Variants in TIPIN observed in about 807,000 individuals in gnomAD.
The protein encoded by TIPIN is TIMELESS-interacting protein.
A neutral mutation model predicts 35.6 loss-of-function variants in TIPIN; 29 were observed. The ratio of observed to expected loss-of-function variants is 0.82; its 90% CI spans 0.61 to 1.11. The LOEUF is 1.11. Among genes scored for constraint, TIPIN ranks in the 50% most tolerant of loss-of-function variants. The pLI, the probability that TIPIN is intolerant of heterozygous loss-of-function variation, is 0.00. For synonymous variants in TIPIN, 102 were observed against 121.5 expected (o/e 0.84, Z 1.06); for missense variants, 296 against 345.4 (o/e 0.86, Z 1.13).
chr15:66,381,221 A>G (rs1022546853), intron 1 of TIPIN, among the ~76,000 whole-genome samples: 3 of 152,148 alleles, frequency 2.0e-5, no homozygotes, highest in Non-Finnish European at 2.9e-5. Flanking sequence ...GGATCACCTG[A>G]GGTCAGGAGT....
intron 1 of TIPIN, among the ~76,000 whole-genome samples, chr15:66,374,770 C>G (rs138822641): frequency 6.6e-6 from 1 of 151,976 alleles, no homozygotes; most frequent in Non-Finnish European, 1.5e-5. Flanking sequence ...TTAGTAGAGA[C>G]GGGGTTTCAC....
intron 1 of TIPIN, chr15:66,379,770 C>T (rs2093311242): frequency 1.9e-6 from 3 of 1,603,346 alleles, no homozygotes; most frequent in South Asian, 2.2e-5. Context: ...TTTTTTCTTT[C>T]CAAGAAGACT....
At chr15:66,385,004 C>T (rs963665529) in intron 1 of TIPIN, among the ~76,000 whole-genome samples, 1 of 152,182 alleles carries the variant, frequency 6.6e-6, no homozygotes, top group African/African-American at 2.4e-5. Flanking sequence ...AATACAATAG[C>T]GTAAGGTATT....
rs187547010 is a variant in TIPIN at position 66,350,528 on chromosome 15, C to T, written c.288+997G>A. Among the ~76,000 whole-genome samples, 17 of 151,780 alleles carry T rather than the reference C, an allele frequency of 1.1e-4. No homozygotes were observed. The East Asian group carries it at 3.3e-3, about 30-fold the overall frequency. ...GCTGAAGCAGTAGAATCGCTTGAAC[C>T]CAAGCGGCGGAGGTTGCAGTGAGCC... On this transcript the variant is annotated intron_variant, in intron 4 of 7. Coordinates refer to ENST00000261881, the MANE Select transcript of TIPIN (RefSeq NM_017858.3).
At chr15:66,357,409 A>G (rs2093210683), upstream of TIPIN, among the ~76,000 whole-genome samples, 1 of 152,120 alleles carries the variant, frequency 6.6e-6, no homozygotes, top group South Asian at 2.1e-4. Flanking sequence ...GGTGGTAAAG[A>G]GAGGAAAAAT....
intron 1 of TIPIN, among the ~76,000 whole-genome samples, chr15:66,370,193 A>G (rs1350635979): frequency 6.6e-6 from 1 of 152,150 alleles, no homozygotes; most frequent in Non-Finnish European, 1.5e-5. Flanking sequence ...ATCCAAGGGT[A>G]AAAAGCAAAA....
At chr15:66,355,676 A>T (rs1205031088) in intron 1 of TIPIN, among the ~76,000 whole-genome samples, 1 of 152,054 alleles carries the variant, frequency 6.6e-6, no homozygotes, top group Admixed American at 6.6e-5. Context: ...ATTTGAACCC[A>T]GGAGGCGGAG....
Position 66,336,715 on chromosome 15 carries a change from GCTT to G in TIPIN, c.*240_*242del. The stretch of plus-strand genomic sequence containing the variant: ...CAATGACAGACCAGCAGCAGAAACT[GCTT>G]ATTACCTCCTAATCATTTTATGAAG... On this transcript the variant is annotated 3_prime_UTR_variant, in exon 8 of 8. Coordinates refer to ENST00000261881, the MANE Select transcript of TIPIN (RefSeq NM_017858.3). The G allele has an allele frequency of 2.3e-6, 1 of 441,022 alleles. No individual in the cohort carries two copies. The highest frequency in any genetic ancestry group is 4.1e-6 in the Non-Finnish European group (1 of 241,736). The allele number at this position is 441,022 out of a possible 1,614,324, so 27.3% of individuals were successfully genotyped here. A position where few individuals can be genotyped will look rare whatever the true frequency, so the allele number is the denominator to read the frequency against.
upstream of TIPIN, among the ~76,000 whole-genome samples, chr15:66,359,533 G>A (rs2093222453): frequency 6.6e-6 from 1 of 151,912 alleles, no homozygotes; most frequent in Non-Finnish European, 1.5e-5. Flanking sequence ...TTTGTATTTA[G>A]TAGAGATGGG....
At chr15:66,360,337 G>A (rs991939081), upstream of TIPIN, among the ~76,000 whole-genome samples, 1 of 152,138 alleles carries the variant, frequency 6.6e-6, no homozygotes, top group African/African-American at 2.4e-5. Context: ...CGGGCATAGT[G>A]GCTCACACCT....
chr15:66,343,409 G>C (rs2093101910), intron 6 of TIPIN, among the ~76,000 whole-genome samples: 1 of 151,930 alleles, frequency 6.6e-6, no homozygotes, highest in Non-Finnish European at 1.5e-5. Flanking sequence ...ATTATGCCTT[G>C]AAATATTAGC....
At chr15:66,365,553 G>GT (rs1161804716) in intron 1 of TIPIN, among the ~76,000 whole-genome samples, 2 of 151,450 alleles carry the variant, frequency 1.3e-5, no homozygotes, top group African/African-American at 2.4e-5. Context: ...TGTTTTTTTT[G>GT]TTTTTTCTGT....
intron 4 of TIPIN, among the ~76,000 whole-genome samples, chr15:66,350,436 C>T (rs2093159532): frequency 6.7e-6 from 1 of 149,928 alleles, no homozygotes; most frequent in Admixed American, 6.7e-5. Flanking sequence ...GATACCCCAT[C>T]TCTACCAAAA....
chr15:66,385,811 G>A (rs2093335649), intron 1 of TIPIN, among the ~76,000 whole-genome samples: 1 of 149,750 alleles, frequency 6.7e-6, no homozygotes, highest in African/African-American at 2.5e-5. Flanking sequence ...TTTAAAGGGA[G>A]TCTTGCTCTG....
At chr15:66,373,678 C>G (rs1452542342) in intron 1 of TIPIN, among the ~76,000 whole-genome samples, 1 of 151,874 alleles carries the variant, frequency 6.6e-6, no homozygotes, top group Non-Finnish European at 1.5e-5. Context: ...TTGATATTGT[C>G]TTTTTCTTTT....
intron 1 of TIPIN, among the ~76,000 whole-genome samples, chr15:66,375,232 T>C (rs1188891839): frequency 6.6e-6 from 1 of 152,036 alleles, no homozygotes; most frequent in African/African-American, 2.4e-5. Flanking sequence ...TGCACTATGA[T>C]TGTGCTTGTG....
At chr15:66,357,431 T>C (rs576569678), upstream of TIPIN, among the ~76,000 whole-genome samples, 1 of 151,866 alleles carries the variant, frequency 6.6e-6, no homozygotes, top group Non-Finnish European at 1.5e-5. Flanking sequence ...GGGCTGAACA[T>C]AGACACTGGC....
intron 1 of TIPIN, among the ~76,000 whole-genome samples, chr15:66,367,187 AATCTAT>A (rs60845317): frequency 0.03 from 3,957 of 130,896 alleles, 88 homozygotes; most frequent in African/African-American, 0.055. Context: ...CTCAAAAAAA[AATCTAT>A]ATCTATATCT....
rs1566977368 is a variant in TIPIN at position 66,352,882 on chromosome 15, AG to A, written c.65del (p.Thr22IlefsTer51). 6.2e-7 allele frequency: 1 copy of A among 1,613,914 alleles called. No individual in the cohort carries two copies. The highest frequency in any genetic ancestry group is 1.7e-5 in the Admixed American group (1 of 59,972). On this transcript the variant is annotated frameshift_variant, in exon 2 of 8. Transcript: ENST00000261881. LOFTEE classifies it high-confidence loss of function. Reference protein sequence around the residue: ...LPDYEHVEDETFPPFPPPASP... With the variant: ...LPDYEHVEDEXFPPFPPPASP... ...AGGCTGGAGGTGGGAAAGGAGGAAA[AG>A]TTTCATCTTCTACATGCTCATAATC...
Sources: allele counts gnomAD v4.1 joint callset (sites outside exome capture counted in the v4.1 genomes callset), GRCh38; gene constraint gnomAD v4.1.1; transcripts MANE v1.5; gene names NCBI Gene and HGNC (gene_info 2026-07-23, HGNC 2026-07-21).